Variants in AFDN observed in about 807,000 individuals in gnomAD.
The protein encoded by AFDN is afadin.
In AFDN, 68 loss-of-function variants were observed where a neutral mutation model predicts 216.6. The observed-to-expected ratio is 0.31, with a 90% CI of 0.26 to 0.38. The LOEUF (loss-of-function observed/expected upper bound fraction) is 0.38, where lower values mean the gene tolerates loss of function less well. Ranked by LOEUF, AFDN falls within the 10% of genes least tolerant of loss-of-function variation. AFDN has a pLI of 1.00. For missense variants in AFDN, 2,136 were observed against 2,342.0 expected (o/e 0.91, Z 1.82); for synonymous variants, 868 against 853.7 (o/e 1.02, Z -0.29).
rs749514065 is a variant in AFDN at position 167,962,621 on chromosome 6, C to T, written c.4968+54C>T. The T allele has an allele frequency of 1.8e-5, 29 of 1,611,284 alleles. 1 individual carries two copies. Among genetic ancestry groups the T allele is most frequent in the Admixed American group, 3.3e-5 (2 of 59,934 alleles). ...TTTACCAAGTTAGCCTGAACGTAAT[C>T]GATTGGCTGGGGCAGAGCGGGCTGG... On this transcript the variant is annotated intron_variant, in intron 31 of 33. Transcript: ENST00000683244. The surrounding 1 kb of genome is among the most constrained non-coding windows in gnomAD (Gnocchi z 5.2).
At chr6:167,914,537 T>A (rs2128467869) in intron 17 of AFDN, 107 bp from the exon 18 acceptor site, 1 of 906,114 alleles carries the variant, frequency 1.1e-6, no homozygotes, top group Non-Finnish European at 1.7e-6. Flanking sequence ...ATTTTTTTTT[T>A]AATGGAAAAT....
At chr6:167,877,989 A>G (rs1785596579) in intron 5 of AFDN, among the ~76,000 whole-genome samples, 1 of 152,206 alleles carries the variant, frequency 6.6e-6, no homozygotes. Context: ...GATGGCTTCA[A>G]AATGTAATTG....
At chr6:167,963,444 C>G in intron 31 of AFDN, 1 of 1,054,614 alleles carries the variant, frequency 9.5e-7, no homozygotes, top group Non-Finnish European at 1.1e-6. Flanking sequence ...ATAATTCCTT[C>G]TTGGATAGTC....
At position 167,958,182 on chromosome 6, in the gene AFDN, G is replaced by T. The variant is rs565752441; in HGVS notation, c.4834-4251G>T. 2.0e-5 allele frequency among the ~76,000 whole-genome samples: 3 copies of T among 152,108 alleles called. No homozygotes were observed. The East Asian group carries it at 5.8e-4, about 29-fold the overall frequency. ...AAATATGTTATAAAATTACCTTTAG[G>T]CTATATATATAGTGTATATGAAACA... On this transcript the variant is annotated intron_variant, in intron 30 of 33. Transcript: ENST00000683244.
At chr6:167,860,731 C>G (rs78638383) in intron 1 of AFDN, among the ~76,000 whole-genome samples, 1 of 152,172 alleles carries the variant, frequency 6.6e-6, no homozygotes, top group Non-Finnish European at 1.5e-5. Context: ...AGACAGATGT[C>G]TAGACGTGGT....
At chr6:167,965,063 G>C in intron 31 of AFDN, 1 of 1,035,486 alleles carries the variant, frequency 9.7e-7, no homozygotes, top group Non-Finnish European at 1.2e-6. Flanking sequence ...TTTTCTGTCT[G>C]TTAGGGAGTT....
intron 20 of AFDN, among the ~76,000 whole-genome samples, chr6:167,917,991 A>G (rs1440226172): frequency 1.3e-5 from 2 of 152,366 alleles, no homozygotes; most frequent in East Asian, 1.9e-4. Flanking sequence ...CTTTAGGAAC[A>G]GTCAAAATCA....
chr6:167,867,522 C>G (rs962799778), intron 2 of AFDN, among the ~76,000 whole-genome samples: 6 of 151,496 alleles, frequency 4.0e-5, no homozygotes, highest in African/African-American at 1.5e-4. Flanking sequence ...CTCCGCCTCC[C>G]GGGTTCACGC....
rs572368210 is a variant in AFDN at position 167,917,176 on chromosome 6, C to T, written c.2653C>T (p.Leu885Phe). The T allele has an allele frequency of 1.2e-6, 2 of 1,611,846 alleles. No homozygotes were observed. The highest frequency in any genetic ancestry group is 2.2e-5 in the South Asian group (2 of 90,268). ...CTGCTTTAAGTTAAATTCATTACAACTTCAAGCCTTATTACAGAACTATCA... is the reference window on the plus strand; with the variant it reads ...CTGCTTTAAGTTAAATTCATTACAATTTCAAGCCTTATTACAGAACTATCA... ...STCFKLNSLQ[L>F]QALLQNYHCA... is the part of the protein sequence containing the mutation. Residue 885 changes from leucine (L) to phenylalanine (F), a missense_variant, in exon 20 of 34, where the codon CTT becomes TTT. Physicochemically the swap from Leu to Phe is conservative, Grantham distance 22. Transcript: ENST00000683244.
intron 23 of AFDN, among the ~76,000 whole-genome samples, chr6:167,935,722 C>A (rs1037289769): frequency 6.6e-6 from 1 of 152,004 alleles, no homozygotes; most frequent in Non-Finnish European, 1.5e-5. Context: ...AACTATTTAG[C>A]CTTTCTGGAG....
Position 167,875,353 on chromosome 6 carries a change from T to C in AFDN, c.597T>C (p.Ala199=). 1 of 1,611,966 alleles carries C rather than the reference T, an allele frequency of 6.2e-7. No homozygotes were observed. Among genetic ancestry groups the C allele is most frequent in the Non-Finnish European group, 8.5e-7 (1 of 1,179,364 alleles). Reference sequence around the variant, plus strand: ...CTTACAGTGAAAATTCTCGACTGGCTGCTGAGGTTTACAAAGACATGCCGG... The same window carrying C: ...CTTACAGTGAAAATTCTCGACTGGCCGCTGAGGTTTACAAAGACATGCCGG... ...QGEDVENSRL[A]AEVYKDMPET... is the part of the protein sequence containing the mutation. The change falls in exon 5 of 34, where the codon GCT becomes GCC. Residue 199 remains alanine (A), a synonymous_variant. Coordinates refer to ENST00000683244, the MANE Select transcript of AFDN (RefSeq NM_001386888.1).
chr6:167,943,246 A>C (rs758782804), intron 24 of AFDN, 52 bp downstream of exon 24: 3 of 1,536,542 alleles, frequency 2.0e-6, no homozygotes, highest in Non-Finnish European at 1.8e-6. Flanking sequence ...ATATTCAGCA[A>C]ATGATGTGAG....
chr6:167,884,958 T>A (rs1786600753), intron 6 of AFDN, among the ~76,000 whole-genome samples: 1 of 152,226 alleles, frequency 6.6e-6, no homozygotes, highest in South Asian at 2.1e-4. Context: ...ATCAGTGGTC[T>A]TAGCTAGATC....
intron 22 of AFDN, among the ~76,000 whole-genome samples, chr6:167,924,428 C>G (rs1792233288): frequency 6.6e-6 from 1 of 152,130 alleles, no homozygotes; most frequent in African/African-American, 2.4e-5. Context: ...GGCTCCTTAC[C>G]CAGCCAGGCG....
intron 31 of AFDN, chr6:167,963,402 ACTT>A: frequency 9.5e-7 from 1 of 1,055,996 alleles, no homozygotes; most frequent in Non-Finnish European, 1.1e-6. Context: ...CAGTGTTACA[ACTT>A]CTGATGGCGG....
intron 6 of AFDN, among the ~76,000 whole-genome samples, chr6:167,887,889 T>C (rs1787065972): frequency 1.3e-5 from 2 of 152,200 alleles, no homozygotes; most frequent in Admixed American, 6.5e-5. Context: ...TTAGAGCTTA[T>C]AATAAAGGGA....
At chr6:167,907,146 C>A in intron 12 of AFDN, 25 bp from the exon 13 acceptor site, 7 of 1,587,724 alleles carry the variant, frequency 4.4e-6, no homozygotes, top group Non-Finnish European at 6.1e-6. Flanking sequence ...AGGTTCTAAA[C>A]CCGTTGTGCT....
chr6:167,833,666 A>C (rs1780073549), intron 1 of AFDN, among the ~76,000 whole-genome samples: 1 of 152,210 alleles, frequency 6.6e-6, no homozygotes, highest in African/African-American at 2.4e-5. Flanking sequence ...CAATTTTTTC[A>C]CTGTTAACCA....
chr6:167,951,156 G>T lies in AFDN; in HGVS notation c.3832-30G>T. ...ATTTGGTAATTTCTAGTAAATGGCT[G>T]AAATATAATAATTCTTTTTCTTTTT... On this transcript the variant is annotated intron_variant, in intron 29 of 33. Coordinates refer to ENST00000683244, the MANE Select transcript of AFDN (RefSeq NM_001386888.1). The surrounding 1 kb of genome is among the most constrained non-coding windows in gnomAD (Gnocchi z 7.1). 6.6e-7 allele frequency: 1 copy of T among 1,514,558 alleles called. No homozygotes were observed. Among genetic ancestry groups the T allele is most frequent in the South Asian group, 1.4e-5 (1 of 73,770 alleles). The allele number at this position is 1,514,558 out of a possible 1,614,324, so 93.8% of individuals were successfully genotyped here.
Sources: gnomAD v4.1 joint callset for allele counts (sites outside exome capture counted in the v4.1 genomes callset) on GRCh38, gnomAD v4.1.1 for gene constraint, Gnocchi (gnomAD v3.1) non-coding constraint, MANE v1.5 for transcripts, NCBI Gene and HGNC (gene_info 2026-07-23, HGNC 2026-07-21) for gene names.